SEMA6D: variants seen among roughly 807,000 people sequenced by gnomAD.
The protein encoded by SEMA6D is semaphorin-6D.
Under a neutral mutation model 106.6 loss-of-function variants are expected in SEMA6D, and 35 were observed. The ratio of observed to expected loss-of-function variants is 0.33; its 90% CI spans 0.25 to 0.44. SEMA6D has a LOEUF of 0.44. Ranked by LOEUF, SEMA6D falls within the 20% of genes least tolerant of loss-of-function variation. The probability of loss-of-function intolerance (pLI) is 1.00; values close to 1 mark genes in which losing one functional copy is unlikely to be tolerated. For missense variants in SEMA6D, 1,185 were observed against 1,345.9 expected (o/e 0.88, Z 1.87); for synonymous variants, 499 against 487.7 (o/e 1.02, Z -0.31).
intron 1 of SEMA6D, chr15:47,395,478 G>A (rs1450323709): frequency 6.6e-6 from 1 of 152,120 alleles, no homozygotes; most frequent in African/African-American, 2.4e-5. Flanking sequence ...ATGGATTGTT[G>A]GAAAGACCCT....
chr15:47,283,961 C>T (rs1223525887), intron 1 of SEMA6D, among the ~76,000 whole-genome samples: 3 of 152,190 alleles, frequency 2.0e-5, no homozygotes, highest in African/African-American at 4.8e-5. Context: ...TCTACTTTAA[C>T]TCCCTTTCTT....
At chr15:47,410,022 T>C (rs2040734456) in intron 1 of SEMA6D, among the ~76,000 whole-genome samples, 1 of 152,194 alleles carries the variant, frequency 6.6e-6, no homozygotes, top group South Asian at 2.1e-4. Flanking sequence ...GGTCTGACTC[T>C]GTCGTCCAGG....
chr15:47,674,730 A>AGGATGGC (rs1177821047), intron 4 of SEMA6D, among the ~76,000 whole-genome samples: 5 of 152,190 alleles, frequency 3.3e-5, no homozygotes, highest in Non-Finnish European at 1.5e-5. Flanking sequence ...CAGCTGGAGG[A>AGGATGGC]GGATGGCGCT....
At chr15:47,560,212 A>C (rs1033476342) in intron 3 of SEMA6D, among the ~76,000 whole-genome samples, 58 of 96,574 alleles carry the variant, frequency 6.0e-4, no homozygotes, top group African/African-American at 2.9e-3. Flanking sequence ...ATTCAGAGAC[A>C]AAAAAAAATG....
At chr15:47,261,680 C>G (rs1178905621) in intron 1 of SEMA6D, among the ~76,000 whole-genome samples, 1 of 152,054 alleles carries the variant, frequency 6.6e-6, no homozygotes, top group Non-Finnish European at 1.5e-5. Flanking sequence ...CTCCTTATTT[C>G]CTCCTCCCCA....
intron 1 of SEMA6D, among the ~76,000 whole-genome samples, chr15:47,207,991 GCGCACA>G (rs564858584): frequency 0.028 from 3,423 of 122,940 alleles, 213 homozygotes; most frequent in East Asian, 0.083. Context: ...ACTGGCGCGC[GCGCACA>G]CACACACACA....
intron 1 of SEMA6D, among the ~76,000 whole-genome samples, chr15:47,319,529 T>A (rs1200443603): frequency 6.6e-6 from 1 of 152,060 alleles, no homozygotes; most frequent in Non-Finnish European, 1.5e-5. Context: ...ATTTCTCAGG[T>A]TTTGTTTTTC....
chr15:47,398,098 C>T (rs139288163), intron 1 of SEMA6D, among the ~76,000 whole-genome samples: 1 of 152,274 alleles, frequency 6.6e-6, no homozygotes, highest in East Asian at 1.9e-4. Flanking sequence ...ATCATTTAAT[C>T]CAAGCCATAG....
At chr15:47,268,470 G>A (rs1407438754) in intron 1 of SEMA6D, among the ~76,000 whole-genome samples, 1 of 152,148 alleles carries the variant, frequency 6.6e-6, no homozygotes, top group East Asian at 1.9e-4. Flanking sequence ...AGTGTTAGGA[G>A]GGCAGAGGTG....
chr15:47,741,294 G>C (rs972628667), intron 1 of SEMA6D, among the ~76,000 whole-genome samples: 3 of 152,126 alleles, frequency 2.0e-5, no homozygotes, highest in Admixed American at 6.5e-5. Flanking sequence ...AACCTCCTAG[G>C]GGGTGCTTAT....
chr15:47,686,864 A>C (rs996588583), intron 4 of SEMA6D, among the ~76,000 whole-genome samples: 39 of 152,082 alleles, frequency 2.6e-4, no homozygotes, highest in African/African-American at 9.2e-4. Flanking sequence ...ATGGGAGTTC[A>C]AGACCAGTCT....
At chr15:47,282,414 TACTC>T (rs1400487048) in intron 1 of SEMA6D, among the ~76,000 whole-genome samples, 1 of 152,160 alleles carries the variant, frequency 6.6e-6, no homozygotes. Context: ...GGAGAATAAA[TACTC>T]ACAGTATCCT....
chr15:47,433,482 T>G (rs2041603794), intron 2 of SEMA6D, among the ~76,000 whole-genome samples: 1 of 152,070 alleles, frequency 6.6e-6, no homozygotes, highest in Admixed American at 6.6e-5. Flanking sequence ...AGCTAAACTA[T>G]GATTTTGCTT....
At chr15:47,531,743 T>G (rs1428004802) in intron 3 of SEMA6D, among the ~76,000 whole-genome samples, 1 of 152,174 alleles carries the variant, frequency 6.6e-6, no homozygotes, top group Non-Finnish European at 1.5e-5. Context: ...GAGAGAAAGC[T>G]CTGGCTGATT....
chr15:47,202,968 T>G (rs1431512368), intron 1 of SEMA6D, among the ~76,000 whole-genome samples: 1 of 152,186 alleles, frequency 6.6e-6, no homozygotes, highest in Admixed American at 6.5e-5. Context: ...CAACAACATC[T>G]CTTTCTTTCC....
chr15:47,761,295 A>C (rs371683860), intron 5 of SEMA6D, 35 bp from the exon 6 acceptor site: 3 of 1,609,474 alleles, frequency 1.9e-6, no homozygotes, highest in Non-Finnish European at 2.5e-6. Context: ...GCATGTTCAA[A>C]TGTCTAATAT....
At chr15:47,242,789 C>T (rs1001411864) in intron 1 of SEMA6D, among the ~76,000 whole-genome samples, 1 of 152,052 alleles carries the variant, frequency 6.6e-6, no homozygotes, top group African/African-American at 2.4e-5. Flanking sequence ...AAATTTTAAA[C>T]AAGTAGAGGT....
chr15:47,367,710 A>T (rs1298970149), intron 1 of SEMA6D, among the ~76,000 whole-genome samples: 1 of 150,036 alleles, frequency 6.7e-6, no homozygotes. Flanking sequence ...ACACACACAC[A>T]CACACACACA....
At chr15:47,693,847 G>A (rs937351280) in intron 4 of SEMA6D, among the ~76,000 whole-genome samples, 2 of 152,066 alleles carry the variant, frequency 1.3e-5, no homozygotes, top group Non-Finnish European at 2.9e-5. Flanking sequence ...GGCTGAGTTA[G>A]GAGGATTGAT....
Sources: allele counts gnomAD v4.1 joint callset (sites outside exome capture counted in the v4.1 genomes callset), GRCh38; gene constraint gnomAD v4.1.1; transcripts MANE v1.5; gene names NCBI Gene and HGNC (gene_info 2026-07-23, HGNC 2026-07-21).